Variants in IGSF3 observed in about 807,000 individuals in gnomAD.
IGSF3 encodes immunoglobulin superfamily member 3.
A neutral mutation model predicts 114.4 loss-of-function variants in IGSF3; 23 were observed. The observed-to-expected ratio is 0.20, with a 90% CI of 0.14 to 0.28. The LOEUF (loss-of-function observed/expected upper bound fraction) is 0.28, where lower values mean the gene tolerates loss of function less well. Ranked by LOEUF, IGSF3 falls within the 10% of genes least tolerant of loss-of-function variation. The pLI, the probability that IGSF3 is intolerant of heterozygous loss-of-function variation, is 1.00. For synonymous variants in IGSF3, 571 were observed against 645.2 expected (o/e 0.88, Z 1.74); for missense variants, 1,172 against 1,591.5 (o/e 0.74, Z 4.48).
Position 116,657,404 on chromosome 1 carries a change from T to C in IGSF3, c.43+8880A>G, listed in dbSNP as rs1242144507. On this transcript the variant is annotated intron_variant, in intron 2 of 10. Coordinates refer to ENST00000369486, the MANE Select transcript of IGSF3 (RefSeq NM_001007237.3). This position sits in a 1 kb window ranked among gnomAD's most constrained non-coding sequence, Gnocchi z 4.2. ...GCTGACGACCTTAGAGATTTCAAAA[T>C]CACCTAACAATAACCCCACTTTCCC... Among the ~76,000 whole-genome samples, 1 of 152,106 alleles carries C rather than the reference T, an allele frequency of 6.6e-6. No individual in the cohort carries two copies. The highest frequency in any genetic ancestry group is 2.4e-5 in the African/African-American group (1 of 41,412).
intron 2 of IGSF3, among the ~76,000 whole-genome samples, chr1:116,641,495 CAAAAAAAAAAA>C (rs57930787): frequency 3.9e-4 from 16 of 40,696 alleles, no homozygotes; most frequent in African/African-American, 1.3e-3. Flanking sequence ...GACTCTGTCT[CAAAAAAAAAAA>C]AAAAAAAAAA....
rs1023408656 is a variant in IGSF3 at position 116,614,729 on chromosome 1, T to C, written c.422-554A>G. On this transcript the variant is annotated intron_variant, in intron 3 of 10. Transcript: ENST00000369486. This position sits in a 1 kb window ranked among gnomAD's most constrained non-coding sequence, Gnocchi z 4.5. ...GAAAAAATAATCATCATACCCTATT[T>C]TTAGTGGGTTTAATTTTCGCATAAT... Among the ~76,000 whole-genome samples the C allele has an allele frequency of 2.6e-5, 4 of 152,150 alleles. No individual in the cohort carries two copies. Among genetic ancestry groups the C allele is most frequent in the African/African-American group, 9.7e-5 (4 of 41,432 alleles).
chr1:116,585,766 A>T lies in IGSF3; in HGVS notation c.2441-714T>A, dbSNP rs1187097350. Among the ~76,000 whole-genome samples the T allele has an allele frequency of 2.0e-5, 3 of 152,314 alleles. No individual in the cohort carries two copies. The East Asian group carries it at 5.8e-4, about 29-fold the overall frequency. On this transcript the variant is annotated intron_variant, in intron 8 of 10. Transcript: ENST00000369486. This position sits in a 1 kb window ranked among gnomAD's most constrained non-coding sequence, Gnocchi z 4.9. Reference sequence around the variant, plus strand: ...ATGAAACCCCATCTCTACTAAAAATACAAAAATTAGCCAGGTGTGGTGGTG... The same window carrying T: ...ATGAAACCCCATCTCTACTAAAAATTCAAAAATTAGCCAGGTGTGGTGGTG...
In IGSF3 at chr1:116,576,268, C is replaced by T. The variant is rs773240545; in HGVS notation, c.*1044G>A. 8 of 152,666 alleles carry T rather than the reference C, an allele frequency of 5.2e-5. No individual in the cohort carries two copies. The highest frequency in any genetic ancestry group is 8.8e-5 in the Non-Finnish European group (6 of 68,084). 9.5% of individuals were successfully genotyped at this position (152,666 alleles called of 1,614,324 possible). On this transcript the variant is annotated 3_prime_UTR_variant, in exon 11 of 11. Coordinates refer to ENST00000369486, the MANE Select transcript of IGSF3 (RefSeq NM_001007237.3). This position sits in a 1 kb window ranked among gnomAD's most constrained non-coding sequence, Gnocchi z 4.6. ...GGTGTCTGCCATGGCTGCTTTGGCC[C>T]TGTGCTCAGCTCAGGGGCCCACTTC...
In IGSF3 at chr1:116,649,996, A is replaced by G. The variant is rs1011410158; in HGVS notation, c.43+16288T>C. ...AAATCCTAATCCTACCTCAGGATCC[A>G]TTTCAAATACAATCTCCTCACTCAA... On this transcript the variant is annotated intron_variant, in intron 2 of 10. Transcript: ENST00000369486. The surrounding 1 kb of genome is among the most constrained non-coding windows in gnomAD (Gnocchi z 4.5). Among the ~76,000 whole-genome samples, 1 of 152,100 alleles carries G rather than the reference A, an allele frequency of 6.6e-6. No homozygotes were observed. Among genetic ancestry groups the G allele is most frequent in the African/African-American group, 2.4e-5 (1 of 41,402 alleles).
Position 116,628,000 on chromosome 1 carries a change from G to A in IGSF3, c.44-11543C>T, listed in dbSNP as rs548646076. On this transcript the variant is annotated intron_variant, in intron 2 of 10. Transcript: ENST00000369486. This position sits in a 1 kb window ranked among gnomAD's most constrained non-coding sequence, Gnocchi z 4.7. Reference sequence around the variant, plus strand: ...TCCTGACTCTGCCCAAGGCACTGCTGTGACCCTCTCAGCAGTGGAAGCACT... The same window carrying A: ...TCCTGACTCTGCCCAAGGCACTGCTATGACCCTCTCAGCAGTGGAAGCACT... Among the ~76,000 whole-genome samples, 13 of 152,324 alleles carry A rather than the reference G, an allele frequency of 8.5e-5. No individual in the cohort carries two copies. The East Asian group carries it at 2.1e-3, about 25-fold the overall frequency.
chr1:116,576,370 A>G lies in IGSF3; in HGVS notation c.*942T>C, dbSNP rs1267015153. ...CAGGCCCACCTGCTCACAGTTAATCAGTTAGAGACCATCCTTGCAGCTCAG... is the reference window on the plus strand; with the variant it reads ...CAGGCCCACCTGCTCACAGTTAATCGGTTAGAGACCATCCTTGCAGCTCAG... On this transcript the variant is annotated 3_prime_UTR_variant, in exon 11 of 11. Transcript: ENST00000369486. This position sits in a 1 kb window ranked among gnomAD's most constrained non-coding sequence, Gnocchi z 4.6. 1 of 152,702 alleles carries G rather than the reference A, an allele frequency of 6.5e-6. No individual in the cohort carries two copies. Among genetic ancestry groups the G allele is most frequent in the African/African-American group, 2.4e-5 (1 of 41,462 alleles). The allele number at this position is 152,702 out of a possible 1,614,324, so 9.5% of individuals were successfully genotyped here.
rs1244908047 is a variant in IGSF3 at position 116,657,867 on chromosome 1, A to G, written c.43+8417T>C. On this transcript the variant is annotated intron_variant, in intron 2 of 10. Coordinates refer to ENST00000369486, the MANE Select transcript of IGSF3 (RefSeq NM_001007237.3). This position sits in a 1 kb window ranked among gnomAD's most constrained non-coding sequence, Gnocchi z 4.2. ...ACCAACTTAAGGCAAGCCTGGGCAA[A>G]CTGCACTACATCAAAGAAAGAACAC... is the stretch of plus-strand genomic sequence containing the variant. Among the ~76,000 whole-genome samples the G allele has an allele frequency of 6.6e-6, 1 of 152,198 alleles. No individual in the cohort carries two copies. The highest frequency in any genetic ancestry group is 6.5e-5 in the Admixed American group (1 of 15,278).
Position 116,583,809 on chromosome 1 carries a change from A to C in IGSF3, c.2848+836T>G, listed in dbSNP as rs986041830. Reference sequence around the variant, plus strand: ...TAAATGTGCAACAACAATTATACCTAGTAATTACATGCATTTAGATATTTA... The same window carrying C: ...TAAATGTGCAACAACAATTATACCTCGTAATTACATGCATTTAGATATTTA... On this transcript the variant is annotated intron_variant, in intron 9 of 10. Transcript: ENST00000369486. The surrounding 1 kb of genome is among the most constrained non-coding windows in gnomAD (Gnocchi z 4.5). 1.1e-4 allele frequency among the ~76,000 whole-genome samples: 17 copies of C among 152,220 alleles called. No homozygotes were observed. Among genetic ancestry groups the C allele is most frequent in the African/African-American group, 4.1e-4 (17 of 41,454 alleles).
rs1434779969 is a variant in IGSF3 at position 116,666,165 on chromosome 1, G to C, written c.43+119C>G. The C allele has an allele frequency of 7.4e-6, 7 of 942,474 alleles. No homozygotes were observed. In the Admixed American group the frequency reaches 1.1e-4, roughly 14 times the overall value. The allele number at this position is 942,474 out of a possible 1,614,324, so 58.4% of individuals were successfully genotyped here. A position where few individuals can be genotyped will look rare whatever the true frequency, so the allele number is the denominator to read the frequency against. On this transcript the variant is annotated intron_variant, in intron 2 of 10. Transcript: ENST00000369486. ...TCTACTCCAACCTGTGACACACACCGACCGCCTCCTGGTGTCCCCCAAATC... is the reference window on the plus strand; with the variant it reads ...TCTACTCCAACCTGTGACACACACCCACCGCCTCCTGGTGTCCCCCAAATC...
intron 9 of IGSF3, among the ~76,000 whole-genome samples, chr1:116,581,926 A>G (rs1037103609): frequency 6.6e-6 from 1 of 152,118 alleles, no homozygotes. Flanking sequence ...GCTCCTGGTG[A>G]CTGGCTAAGG....
At chr1:116,659,003 T>G (rs1649000447) in intron 2 of IGSF3, among the ~76,000 whole-genome samples, 1 of 152,200 alleles carries the variant, frequency 6.6e-6, no homozygotes, top group African/African-American at 2.4e-5. Context: ...CAGGGTTAGG[T>G]GGAAACTTTG....
chr1:116,656,794 G>A (rs930620842), intron 2 of IGSF3, among the ~76,000 whole-genome samples: 65 of 152,160 alleles, frequency 4.3e-4, no homozygotes, highest in African/African-American at 1.3e-3. Context: ...CGGGCGTGGT[G>A]GAGGGCACCT....
Position 116,582,301 on chromosome 1 carries a change from C to T in IGSF3, c.2848+2344G>A, listed in dbSNP as rs1659633912. Among the ~76,000 whole-genome samples, 1 of 152,190 alleles carries T rather than the reference C, an allele frequency of 6.6e-6. No individual in the cohort carries two copies. The highest frequency in any genetic ancestry group is 2.4e-5 in the African/African-American group (1 of 41,440). On this transcript the variant is annotated intron_variant, in intron 9 of 10. Transcript: ENST00000369486. This position sits in a 1 kb window ranked among gnomAD's most constrained non-coding sequence, Gnocchi z 4.7. The stretch of plus-strand genomic sequence containing the variant: ...TCCAAGTATAAGCCATGGAAAGATG[C>T]CGACCTCTGCCCCTGCTGTCTGCGT...
chr1:116,641,378 C>A (rs1291652424), intron 2 of IGSF3, among the ~76,000 whole-genome samples: 1 of 150,640 alleles, frequency 6.6e-6, no homozygotes, highest in African/African-American at 2.4e-5. Context: ...TACCTGTAAT[C>A]CCAGCTACTG....
Position 116,640,650 on chromosome 1 carries a change from C to T in IGSF3, c.44-24193G>A, listed in dbSNP as rs951510257. Reference sequence around the variant, plus strand: ...ATTTCAACTGCTTTATACCATGGTCCACTGTCTGAATAATCATTATCTATA... The same window carrying T: ...ATTTCAACTGCTTTATACCATGGTCTACTGTCTGAATAATCATTATCTATA... On this transcript the variant is annotated intron_variant, in intron 2 of 10. Transcript: ENST00000369486. Among the ~76,000 whole-genome samples, 4 of 152,248 alleles carry T rather than the reference C, an allele frequency of 2.6e-5. 1 individual carries two copies. The highest frequency in any genetic ancestry group is 5.9e-5 in the Non-Finnish European group (4 of 68,016).
chr1:116,619,307 A>T (rs1046451539), intron 2 of IGSF3, among the ~76,000 whole-genome samples: 4 of 152,196 alleles, frequency 2.6e-5, no homozygotes, highest in Non-Finnish European at 4.4e-5. Flanking sequence ...GACCTTACAA[A>T]GGCACTCGGC....
Position 116,584,603 on chromosome 1 carries a change from A to G in IGSF3, c.2848+42T>C, listed in dbSNP as rs1659736239. 2 of 1,599,910 alleles carry G rather than the reference A, an allele frequency of 1.3e-6. No individual in the cohort carries two copies. The highest frequency in any genetic ancestry group is 1.7e-6 in the Non-Finnish European group (2 of 1,167,514). ...GCATAAAACAGTATACTTAAATGGG[A>G]AACACCAGAGGGAGTGGAAGCTTGG... On this transcript the variant is annotated intron_variant, in intron 9 of 10. Coordinates refer to ENST00000369486, the MANE Select transcript of IGSF3 (RefSeq NM_001007237.3). This position sits in a 1 kb window ranked among gnomAD's most constrained non-coding sequence, Gnocchi z 5.8.
intron 2 of IGSF3, among the ~76,000 whole-genome samples, chr1:116,626,832 A>G (rs749396488): frequency 1.8e-4 from 28 of 152,296 alleles, no homozygotes; most frequent in Non-Finnish European, 3.4e-4. Context: ...TGCGAAAGAC[A>G]GCACAGAAGC....
Sources: allele counts gnomAD v4.1 joint callset (sites outside exome capture counted in the v4.1 genomes callset), GRCh38; gene constraint gnomAD v4.1.1; non-coding constraint Gnocchi (gnomAD v3.1); transcripts MANE v1.5; gene names NCBI Gene and HGNC (gene_info 2026-07-23, HGNC 2026-07-21).